The following PDE1C variants were observed in gnomAD, a reference collection of about 807,000 sequenced individuals.
The protein encoded by PDE1C is phosphodiesterase 1C.
A neutral mutation model predicts 93.1 loss-of-function variants in PDE1C; 62 were observed. The observed-to-expected ratio is 0.67, with a 90% CI of 0.54 to 0.82. The LOEUF is 0.82. PDE1C is among the 40% of genes least tolerant of loss of function. The probability of loss-of-function intolerance (pLI) is 0.00; values close to 1 mark genes in which losing one functional copy is unlikely to be tolerated. For missense variants in PDE1C, 742 were observed against 884.6 expected (o/e 0.84, Z 2.04); for synonymous variants, 325 against 310.1 (o/e 1.05, Z -0.50).
intron 16 of PDE1C, chr7:31,788,387 T>C (rs1784229462): frequency 6.6e-6 from 1 of 152,206 alleles, no homozygotes; most frequent in Non-Finnish European, 1.5e-5. Context: ...CATGTTTCAT[T>C]TGATTAGCAC....
chr7:32,370,713 C>T (rs959333768), intron 1 of PDE1C, among the ~76,000 whole-genome samples: 1 of 151,936 alleles, frequency 6.6e-6, no homozygotes, highest in African/African-American at 2.4e-5. Flanking sequence ...GTGCAGCACA[C>T]CAACATGGCA....
intron 3 of PDE1C, among the ~76,000 whole-genome samples, chr7:32,087,660 A>G (rs1306481238): frequency 6.6e-6 from 1 of 152,222 alleles, no homozygotes; most frequent in African/African-American, 2.4e-5. Context: ...ACCATGGAAT[A>G]CTATGCAGCC....
chr7:32,305,570 C>A (rs1030707582), intron 1 of PDE1C, among the ~76,000 whole-genome samples: 1 of 152,214 alleles, frequency 6.6e-6, no homozygotes, highest in African/African-American at 2.4e-5. Flanking sequence ...TCTTCCTATC[C>A]TTCCTCCAGA....
At chr7:32,257,698 G>A (rs13438711) in intron 1 of PDE1C, among the ~76,000 whole-genome samples, 17,833 of 152,036 alleles carry the variant, frequency 0.12, 1,203 homozygotes, top group African/African-American at 0.16. Flanking sequence ...TCTCTTAGGC[G>A]GCAGGCAGCC....
chr7:32,014,813 T>A (rs897109840), intron 2 of PDE1C, among the ~76,000 whole-genome samples: 2 of 152,186 alleles, frequency 1.3e-5, no homozygotes, highest in African/African-American at 2.4e-5. Context: ...TTCTAACCAA[T>A]GGTGCTACAA....
At chr7:32,417,416 G>A (rs570393479) in intron 1 of PDE1C, among the ~76,000 whole-genome samples, 1 of 152,154 alleles carries the variant, frequency 6.6e-6, no homozygotes, top group African/African-American at 2.4e-5. Flanking sequence ...TCTGTGCCCA[G>A]CACCATGCTG....
intron 2 of PDE1C, among the ~76,000 whole-genome samples, chr7:32,185,090 A>C (rs1189353100): frequency 6.6e-6 from 1 of 151,578 alleles, no homozygotes; most frequent in Non-Finnish European, 1.5e-5. Flanking sequence ...CAGCCTGGGC[A>C]ACAAGAGCGA....
chr7:32,189,420 C>T (rs1804086926), intron 2 of PDE1C, among the ~76,000 whole-genome samples: 2 of 152,146 alleles, frequency 1.3e-5, no homozygotes, highest in Admixed American at 1.3e-4. Context: ...GACACTGCCT[C>T]CCCCAAAATT....
intron 1 of PDE1C, among the ~76,000 whole-genome samples, chr7:32,377,682 T>G (rs1404526488): frequency 6.6e-6 from 1 of 152,184 alleles, no homozygotes; most frequent in Non-Finnish European, 1.5e-5. Context: ...TTACTATTAT[T>G]GTTCCCATTT....
intron 1 of PDE1C, among the ~76,000 whole-genome samples, chr7:32,390,727 G>C (rs889157812): frequency 1.7e-4 from 26 of 151,996 alleles, no homozygotes; most frequent in Middle Eastern, 3.4e-3. Flanking sequence ...CAGACCTGTA[G>C]TCCCAGCTAC....
intron 2 of PDE1C, among the ~76,000 whole-genome samples, chr7:32,014,595 G>T (rs1200799450): frequency 1.3e-5 from 2 of 151,960 alleles, no homozygotes; most frequent in East Asian, 3.9e-4. Flanking sequence ...ATGCATTAGG[G>T]GCTCTCCCTC....
chr7:31,676,007 C>T, the PDE1C span, among the ~76,000 whole-genome samples: 1 of 152,070 alleles, frequency 6.6e-6, no homozygotes, highest in Non-Finnish European at 1.5e-5. Flanking sequence ...CCCAGAGTTG[C>T]CTTCAAACAT....
intron 3 of PDE1C, among the ~76,000 whole-genome samples, chr7:32,166,174 A>G (rs936112874): frequency 6.6e-6 from 1 of 152,144 alleles, no homozygotes; most frequent in Non-Finnish European, 1.5e-5. Flanking sequence ...TTATTTGTCA[A>G]TTATACCTTT....
intron 1 of PDE1C, among the ~76,000 whole-genome samples, chr7:32,374,251 GA>G (rs1360791682): frequency 1.2e-3 from 111 of 93,262 alleles, no homozygotes; most frequent in African/African-American, 4.3e-3. Flanking sequence ...GGAAGGAAAG[GA>G]AAGGAAGAAA....
At position 32,094,672 on chromosome 7, in the gene PDE1C, T is replaced by C. The variant is rs145034279; in HGVS notation, c.308+75113A>G. 1.8e-3 allele frequency among the ~76,000 whole-genome samples: 267 copies of C among 152,298 alleles called. 2 individuals are homozygous for C. The highest frequency in any genetic ancestry group is 6.3e-3 in the African/African-American group (260 of 41,586). On this transcript the variant is annotated intron_variant, in intron 3 of 18. Coordinates refer to the PDE1C transcript ENST00000396193. ...TGTGCAAGGACCGCCCTCATCTCCC[T>C]AAGGAAGAGTCCAGCGGTCCATTCA...
intron 1 of PDE1C, among the ~76,000 whole-genome samples, chr7:32,274,705 C>T (rs1198770951): frequency 6.6e-6 from 1 of 152,122 alleles, no homozygotes; most frequent in Non-Finnish European, 1.5e-5. Flanking sequence ...TAAGTAGGGA[C>T]AAACTTGAAA....
At chr7:31,769,218 T>C (rs1446171958) in intron 17 of PDE1C, among the ~76,000 whole-genome samples, 2 of 152,236 alleles carry the variant, frequency 1.3e-5, no homozygotes, top group Non-Finnish European at 2.9e-5. Context: ...TACATATTGC[T>C]CTATTTTCCC....
intron 2 of PDE1C, among the ~76,000 whole-genome samples, chr7:31,947,322 T>C (rs1235304086): frequency 2.0e-5 from 3 of 152,198 alleles, no homozygotes; most frequent in Admixed American, 6.5e-5. Context: ...CATCTAAAAA[T>C]ACCTTCATGG....
At chr7:31,767,118 T>C in intron 17 of PDE1C, among the ~76,000 whole-genome samples, 1 of 152,216 alleles carries the variant, frequency 6.6e-6, no homozygotes, top group South Asian at 2.1e-4. Flanking sequence ...TTTTTGGACT[T>C]ATTTCTACTG....
Sources: allele counts gnomAD v4.1 joint callset (sites outside exome capture counted in the v4.1 genomes callset), GRCh38; gene constraint gnomAD v4.1.1; transcripts MANE v1.5; gene names NCBI Gene and HGNC (gene_info 2026-07-23, HGNC 2026-07-21).